The following VWA8 variants were observed in gnomAD, a reference collection of about 807,000 sequenced individuals.
VWA8 encodes the protein von Willebrand factor A domain containing 8.
Under a neutral mutation model 241.5 loss-of-function variants are expected in VWA8, and 221 were observed. The ratio of observed to expected loss-of-function variants is 0.91; its 90% CI spans 0.82 to 1.02. The LOEUF (loss-of-function observed/expected upper bound fraction) is 1.02, where lower values mean the gene tolerates loss of function less well. Ranked by LOEUF, VWA8 falls within the 50% of genes least tolerant of loss-of-function variation. The pLI, the probability that VWA8 is intolerant of heterozygous loss-of-function variation, is 0.00. For missense variants in VWA8, 2,322 were observed against 2,328.7 expected, an observed-to-expected ratio of 1.00 and a Z score of 0.06; for synonymous variants, 852 against 827.1, an observed-to-expected ratio of 1.03 and a Z score of -0.52.
intron 20 of VWA8, among the ~76,000 whole-genome samples, chr13:41,772,120 C>T (rs2045828564): frequency 6.6e-6 from 1 of 150,968 alleles, no homozygotes; most frequent in South Asian, 2.1e-4. Flanking sequence ...GGACTCCCTA[C>T]CTCAGGTGAT....
At chr13:41,575,887 C>T in intron 42 of VWA8, 49 bp from the exon 43 acceptor site, 3 of 1,376,140 alleles carry the variant, frequency 2.2e-6, no homozygotes, top group Non-Finnish European at 3.1e-6. Flanking sequence ...CACAAAAGAA[C>T]AGTCATTAGA....
At chr13:41,591,553 C>T (rs910471613) in intron 40 of VWA8, among the ~76,000 whole-genome samples, 6 of 152,004 alleles carry the variant, frequency 3.9e-5, no homozygotes, top group South Asian at 2.1e-4. Flanking sequence ...AGAAAATTTT[C>T]GCAACCTACT....
At chr13:41,690,086 G>A in intron 33 of VWA8, 80 bp downstream of exon 33, 1 of 1,256,978 alleles carries the variant, frequency 8.0e-7, no homozygotes, top group Non-Finnish European at 1.1e-6. Flanking sequence ...CTGGTGTTTT[G>A]TTCTTAAATG....
chr13:41,932,266 A>C (rs1303477130), intron 2 of VWA8, among the ~76,000 whole-genome samples: 1 of 152,140 alleles, frequency 6.6e-6, no homozygotes, highest in East Asian at 1.9e-4. Context: ...AGTTGACACA[A>C]TTAGGGATAA....
chr13:41,693,795 G>C (rs1459400123), intron 29 of VWA8, among the ~76,000 whole-genome samples: 1 of 152,048 alleles, frequency 6.6e-6, no homozygotes, highest in Non-Finnish European at 1.5e-5. Flanking sequence ...ATGCAAAGAA[G>C]TTGGCTTTTT....
intron 43 of VWA8, among the ~76,000 whole-genome samples, chr13:41,573,758 C>T (rs910673592): frequency 9.9e-5 from 15 of 151,550 alleles, no homozygotes; most frequent in African/African-American, 2.9e-4. Flanking sequence ...GCTGGGATTG[C>T]GGGTGCCCGC....
At position 41,691,419 on chromosome 13, in the gene VWA8, A is replaced by G; in HGVS notation, c.3767T>C (p.Leu1256Pro). Residue 1256 changes from leucine (L) to proline (P), a missense_variant, in exon 32 of 45, where the codon CTA becomes CCA. By Grantham distance (98) the Leu-to-Pro change is moderately conservative. Coordinates refer to ENST00000379310, the MANE Select transcript of VWA8 (RefSeq NM_015058.2). ...TGAGATGGTGTGAGTTCGCCCTTCT[A>G]GAACATCCAGCACAGTCAGGCTGTT... is the stretch of plus-strand genomic sequence containing the variant. ...KGNSLTVLDV[L>P]EGRTHTISLP... 6.2e-7 allele frequency: 1 copy of G among 1,612,642 alleles called. No homozygotes were observed. Among genetic ancestry groups the G allele is most frequent in the Non-Finnish European group, 8.5e-7 (1 of 1,179,004 alleles).
At position 41,567,585 on chromosome 13, in the gene VWA8, G is replaced by T. The variant is rs933665227; in HGVS notation, c.*612C>A. The T allele has an allele frequency of 3.3e-5, 5 of 152,180 alleles. No homozygotes were observed. The highest frequency in any genetic ancestry group is 9.7e-5 in the African/African-American group (4 of 41,444). 9.4% of individuals were successfully genotyped at this position (152,180 alleles called of 1,614,324 possible). On this transcript the variant is annotated 3_prime_UTR_variant, in exon 45 of 45. Transcript: ENST00000379310. Reference sequence around the variant, plus strand: ...AAGGCAAGCACTCCAAGGATTTTTTGATTCCTTTTGGCTTTGGCCAAGAAA... The same window carrying T: ...AAGGCAAGCACTCCAAGGATTTTTTTATTCCTTTTGGCTTTGGCCAAGAAA...
At chr13:41,650,946 A>T (rs2044865488) in intron 37 of VWA8, among the ~76,000 whole-genome samples, 1 of 152,200 alleles carries the variant, frequency 6.6e-6, no homozygotes, top group Non-Finnish European at 1.5e-5. Flanking sequence ...CTGATAAGGC[A>T]TATTTAAGGG....
chr13:41,830,330 T>G (rs921519000), intron 14 of VWA8, among the ~76,000 whole-genome samples, 199 bp downstream of exon 14: 1 of 142,412 alleles, frequency 7.0e-6, no homozygotes, highest in Admixed American at 6.9e-5. Context: ...AAAAAAAAAG[T>G]AAGGCTGAGA....
At chr13:41,874,836 C>G (rs1299202227) in intron 9 of VWA8, among the ~76,000 whole-genome samples, 1 of 152,050 alleles carries the variant, frequency 6.6e-6, no homozygotes, top group Non-Finnish European at 1.5e-5. Flanking sequence ...TTTCTCATAG[C>G]CCCTCAGCAA....
chr13:41,744,994 C>G (rs986243177), intron 21 of VWA8, among the ~76,000 whole-genome samples: 2 of 151,986 alleles, frequency 1.3e-5, no homozygotes, highest in Non-Finnish European at 2.9e-5. Flanking sequence ...CCCACCACCA[C>G]GACCGGCTAA....
chr13:41,571,669 G>C (rs1377872248), intron 43 of VWA8, among the ~76,000 whole-genome samples: 3 of 152,220 alleles, frequency 2.0e-5, no homozygotes, highest in Non-Finnish European at 4.4e-5. Flanking sequence ...GCCCAGGCTG[G>C]AGTGCAGTGG....
At chr13:41,881,933 G>A (rs1281920870) in intron 9 of VWA8, among the ~76,000 whole-genome samples, 9 of 151,444 alleles carry the variant, frequency 5.9e-5, no homozygotes, top group African/African-American at 2.2e-4. Flanking sequence ...CGGACGGGGT[G>A]GCTGCTGGGC....
At chr13:41,932,354 G>A (rs1214726909) in intron 2 of VWA8, among the ~76,000 whole-genome samples, 1 of 151,952 alleles carries the variant, frequency 6.6e-6, no homozygotes, top group African/African-American at 2.4e-5. Flanking sequence ...GGCCAAGATG[G>A]CTTCACTGAT....
At chr13:41,895,050 T>C (rs1231183012) in intron 4 of VWA8, among the ~76,000 whole-genome samples, 1 of 151,924 alleles carries the variant, frequency 6.6e-6, no homozygotes, top group Admixed American at 6.5e-5. Flanking sequence ...GAAGAGGAGC[T>C]AGTAGAGGAA....
chr13:41,866,125 A>T, intron 10 of VWA8, 89 bp from the exon 11 acceptor site: 1 of 1,530,332 alleles, frequency 6.5e-7, no homozygotes, highest in African/African-American at 1.4e-5. Context: ...AGGCAGGCAG[A>T]TCACTTGAGG....
chr13:41,745,684 C>G (rs146969371), intron 21 of VWA8, among the ~76,000 whole-genome samples: 1 of 152,060 alleles, frequency 6.6e-6, no homozygotes, highest in Non-Finnish European at 1.5e-5. Flanking sequence ...GTTAGAATGA[C>G]GATCACTAAA....
intron 20 of VWA8, among the ~76,000 whole-genome samples, chr13:41,775,864 A>G (rs993497220): frequency 6.6e-6 from 1 of 152,090 alleles, no homozygotes; most frequent in Admixed American, 6.5e-5. Flanking sequence ...GCTCTCCCCA[A>G]TCCTCCAGAG....
Sources: allele counts gnomAD v4.1 joint callset (sites outside exome capture counted in the v4.1 genomes callset), GRCh38; gene constraint gnomAD v4.1.1; transcripts MANE v1.5; gene names NCBI Gene and HGNC (gene_info 2026-07-23, HGNC 2026-07-21).